Variants in TEX11 observed in about 807,000 individuals in gnomAD.
TEX11 encodes the protein testis expressed 11.
Under a neutral mutation model 84.4 loss-of-function variants are expected in TEX11, and 7 were observed. The observed-to-expected ratio is 0.08, with a 90% confidence interval of 0.05 to 0.16. TEX11 has a LOEUF of 0.16. Ranked by LOEUF, TEX11 falls within the 10% of genes least tolerant of loss-of-function variation. The pLI is 1.00. For synonymous variants in TEX11, 264 were observed against 222.8 expected (o/e 1.18, Z -1.64); for missense variants, 551 against 660.5 (o/e 0.83, Z 1.82).
chrX:70,700,526 C>T (rs2090317430), intron 13 of TEX11, among the ~76,000 whole-genome samples: 1 of 111,595 alleles, frequency 9.0e-6, no homozygotes, highest in South Asian at 3.8e-4. Flanking sequence ...CTAACTGCTT[C>T]ATTGACTAAT....
intron 16 of TEX11, among the ~76,000 whole-genome samples, chrX:70,662,488 A>G (rs893052813): frequency 1.8e-5 from 2 of 111,340 alleles, no homozygotes; most frequent in African/African-American, 6.5e-5. Flanking sequence ...AGGCAGGCCA[A>G]CATTCAGATT....
At chrX:70,876,347 TTA>T (rs779015428) in intron 3 of TEX11, among the ~76,000 whole-genome samples, 166 of 111,807 alleles carry the variant, frequency 1.5e-3, no homozygotes, top group Non-Finnish European at 2.3e-3. Context: ...TTCTGTGAAG[TTA>T]TGTTACTTTA....
At chrX:70,633,333 T>C (rs754402685) in intron 17 of TEX11, among the ~76,000 whole-genome samples, 9 of 111,589 alleles carry the variant, frequency 8.1e-5, no homozygotes, top group South Asian at 3.8e-4. Flanking sequence ...CAGAAAACCA[T>C]ACAACCAAAT....
At chrX:70,559,154 T>C (rs1271316975) in intron 25 of TEX11, among the ~76,000 whole-genome samples, 2 of 112,083 alleles carry the variant, frequency 1.8e-5, no homozygotes, top group East Asian at 2.8e-4. Flanking sequence ...AGCTAAAAGA[T>C]AGAAATGATC....
At chrX:70,682,446 TTGTC>T (rs1000931905) in intron 14 of TEX11, among the ~76,000 whole-genome samples, 1 of 111,605 alleles carries the variant, frequency 9.0e-6, no homozygotes, top group African/African-American at 3.3e-5. Context: ...GCTCAGAAGT[TTGTC>T]TGTTTTCAAT....
chrX:70,628,211 C>T (rs756209907), intron 18 of TEX11, among the ~76,000 whole-genome samples: 12 of 98,168 alleles, frequency 1.2e-4, no homozygotes, highest in East Asian at 3.1e-4. Flanking sequence ...GCCTGGGTGA[C>T]AGAGTGAGAC....
chrX:70,729,008 T>C (rs1185193822), intron 11 of TEX11, among the ~76,000 whole-genome samples: 11 of 84,758 alleles, frequency 1.3e-4, no homozygotes, highest in Non-Finnish European at 2.5e-4. Flanking sequence ...TGTTCACCAA[T>C]ATCCGCTGTT....
At chrX:70,554,025 G>C (rs2088254118) in intron 26 of TEX11, among the ~76,000 whole-genome samples, 1 of 111,314 alleles carries the variant, frequency 9.0e-6, no homozygotes, top group African/African-American at 3.3e-5. Flanking sequence ...TGTGACTCTT[G>C]TGCACTTGGA....
At chrX:70,863,329 G>T (rs1219935249) in intron 4 of TEX11, among the ~76,000 whole-genome samples, 1 of 111,735 alleles carries the variant, frequency 8.9e-6, no homozygotes, top group South Asian at 3.8e-4. Flanking sequence ...AAAAGCTCCA[G>T]CTGGCATTAG....
At chrX:70,718,778 T>C (rs2090529986) in intron 13 of TEX11, among the ~76,000 whole-genome samples, 2 of 111,740 alleles carry the variant, frequency 1.8e-5, no homozygotes. Context: ...CCAGGGTAAC[T>C]GGCATACAGA....
downstream of TEX11, among the ~76,000 whole-genome samples, chrX:70,524,656 C>T (rs1197985400): frequency 8.9e-6 from 1 of 112,584 alleles, no homozygotes; most frequent in East Asian, 2.8e-4. Flanking sequence ...ACCTCCGCCT[C>T]CCAGGTTCAA....
At chrX:70,800,516 C>T (rs2091180853) in intron 9 of TEX11, among the ~76,000 whole-genome samples, 1 of 111,070 alleles carries the variant, frequency 9.0e-6, no homozygotes, top group Admixed American at 9.6e-5. Context: ...ATAAAAGCAT[C>T]TATGTTTGGC....
At chrX:70,800,687 C>CTT (rs60458912) in intron 9 of TEX11, among the ~76,000 whole-genome samples, 63 of 62,290 alleles carry the variant, frequency 1.0e-3, no homozygotes, top group East Asian at 3.1e-3. Context: ...ATTTCATGTG[C>CTT]TTTTTTTTTT....
chrX:70,841,808 G>A (rs1333471100), intron 7 of TEX11, among the ~76,000 whole-genome samples: 5 of 111,005 alleles, frequency 4.5e-5, no homozygotes, highest in South Asian at 3.8e-4. Flanking sequence ...TATCACCACC[G>A]ATCCCACAGA....
At chrX:70,539,820 G>A (rs2088017393) in intron 28 of TEX11, among the ~76,000 whole-genome samples, 1 of 111,562 alleles carries the variant, frequency 9.0e-6, no homozygotes, top group African/African-American at 3.3e-5. Context: ...AGTTCTCTGG[G>A]TTTTCTTTTT....
chrX:70,657,282 C>T (rs1263172478), intron 16 of TEX11, among the ~76,000 whole-genome samples: 1 of 110,906 alleles, frequency 9.0e-6, no homozygotes, highest in African/African-American at 3.3e-5. Context: ...TAAAAGCTGC[C>T]TTATTTTTAA....
chrX:70,636,763 A>C (rs2089579585), intron 17 of TEX11, among the ~76,000 whole-genome samples: 1 of 111,922 alleles, frequency 8.9e-6, no homozygotes, highest in East Asian at 2.8e-4. Context: ...TAGGCTCCAG[A>C]TCCAACCCCA....
At chrX:70,511,713 A>G in the TEX11 span, among the ~76,000 whole-genome samples, 4 of 90,671 alleles carry the variant, frequency 4.4e-5, no homozygotes, top group East Asian at 1.4e-3. Context: ...AGACCGCACC[A>G]TTGCACTCCA....
intron 26 of TEX11, among the ~76,000 whole-genome samples, chrX:70,554,183 G>C (rs748494417): frequency 8.9e-6 from 1 of 112,165 alleles, no homozygotes; most frequent in African/African-American, 3.2e-5. Context: ...AAATTTGAGA[G>C]TGGCAATTGT....
Sources: gnomAD v4.1 joint callset for allele counts (sites outside exome capture counted in the v4.1 genomes callset) on GRCh38, gnomAD v4.1.1 for gene constraint, MANE v1.5 for transcripts, NCBI Gene and HGNC (gene_info 2026-07-23, HGNC 2026-07-21) for gene names.